CCR1: variants seen among roughly 807,000 people sequenced by gnomAD.
The protein encoded by CCR1 is C-C motif chemokine receptor 1, also known as C-C chemokine receptor type 1.
A neutral mutation model predicts 0.3 loss-of-function variants in CCR1; 1 was observed. The observed-to-expected ratio is 3.70, with a 90% CI of 1.31 to 17.54. CCR1 has a LOEUF of 17.54. CCR1 is among the 30% of genes most tolerant of loss of function. The pLI, the probability that CCR1 is intolerant of heterozygous loss-of-function variation, is 0.11. For missense variants in CCR1, 349 were observed against 435.4 expected (o/e 0.80, Z 1.77); for synonymous variants, 207 against 182.5 (o/e 1.13, Z -1.08).
chr3:46,204,333 T>TAAAAAAAAAA lies in CCR1; in HGVS notation c.-11-19_-11-10dup. 1 of 1,290,798 alleles carries TAAAAAAAAAA rather than the reference T, an allele frequency of 7.7e-7. No individual in the cohort carries two copies. Among genetic ancestry groups the TAAAAAAAAAA allele is most frequent in the Non-Finnish European group, 1.0e-6 (1 of 955,610 alleles). 80.0% of individuals were successfully genotyped at this position (1,290,798 alleles called of 1,614,324 possible). A position where few individuals can be genotyped will look rare whatever the true frequency, so the allele number is the denominator to read the frequency against. On this transcript the variant is annotated splice_polypyrimidine_tract_variant and intron_variant, in intron 1 of 1. Transcript: ENST00000296140. ...TTCCATCCCGGCTTCTCCTACAGGT[T>TAAAAAAAAAA]AAAAAAAAAAAAAAGATTTGTCTTT...
At position 46,204,208 on chromosome 3, in the gene CCR1, G is replaced by C; in HGVS notation, c.106C>G (p.Leu36Val). 1 of 1,613,840 alleles carries C rather than the reference G, an allele frequency of 6.2e-7. No homozygotes were observed. Among genetic ancestry groups the C allele is most frequent in the Non-Finnish European group, 8.5e-7 (1 of 1,179,828 alleles). Residue 36 changes from leucine (L) to valine (V), a missense_variant, in exon 2 of 2, where the codon CTG becomes GTG. Coordinates refer to ENST00000296140, the MANE Select transcript of CCR1 (RefSeq NM_001295.3). Reference protein sequence around the residue: ...KVNERAFGAQLLPPLYSLVFV... With the variant: ...KVNERAFGAQVLPPLYSLVFV... ...ACCAAGGAGTACAGAGGGGGCAGCA[G>C]TTGGGCCCCAAAGGCCCTCTCGTTC...
In CCR1 at chr3:46,204,429, C is replaced by T. The variant is rs1699629629; in HGVS notation, c.-11-105G>A. ...AGAGGTAACATTTTTTCAGCCACTCCATAAATGTTTATTGAGTGCCTTCTG... is the reference window on the plus strand; with the variant it reads ...AGAGGTAACATTTTTTCAGCCACTCTATAAATGTTTATTGAGTGCCTTCTG... On this transcript the variant is annotated intron_variant, in intron 1 of 1. Coordinates refer to ENST00000296140, the MANE Select transcript of CCR1 (RefSeq NM_001295.3). 3 of 714,260 alleles carry T rather than the reference C, an allele frequency of 4.2e-6. No individual in the cohort carries two copies. In the East Asian group the frequency reaches 8.2e-5, roughly 19 times the overall value. The allele number at this position is 714,260 out of a possible 1,614,324, so 44.2% of individuals were successfully genotyped here.
chr3:46,206,100 A>G (rs1311107805), intron 1 of CCR1, among the ~76,000 whole-genome samples: 4 of 152,226 alleles, frequency 2.6e-5, no homozygotes, highest in Admixed American at 6.5e-5. Flanking sequence ...AATGCCAATC[A>G]GTAAAGTAGG....
intron 1 of CCR1, among the ~76,000 whole-genome samples, chr3:46,206,335 G>A (rs1699648295): frequency 6.6e-6 from 1 of 152,184 alleles, no homozygotes; most frequent in African/African-American, 2.4e-5. Flanking sequence ...CCATCCCCTG[G>A]CCCACTCCTC....
rs200850231 is a variant in CCR1 at position 46,203,963 on chromosome 3, C to T, written c.351G>A (p.Leu117=). Residue 117 remains leucine, a synonymous_variant, in exon 2 of 2, where the codon TTG becomes TTA. Coordinates refer to ENST00000296140, the MANE Select transcript of CCR1 (RefSeq NM_001295.3). This position sits in a 1 kb window ranked among gnomAD's most constrained non-coding sequence, Gnocchi z 4.5. The stretch of plus-strand genomic sequence containing the variant: ...GGATGATGAAAAAGATCTCGCTGTA[C>T]AAGCCTGTGTAATAAAACCCAGAGA... ...KILSGFYYTG[L]YSEIFFIILL... is the part of the protein sequence containing the mutation. The T allele has an allele frequency of 9.9e-6, 16 of 1,614,026 alleles. No individual in the cohort carries two copies. The highest frequency in any genetic ancestry group is 3.3e-4 in the Middle Eastern group (2 of 6,058).
In CCR1 at chr3:46,203,287, A is replaced by T; in HGVS notation, c.1027T>A (p.Ser343Thr). ...VDRLERVSSTSPSTGEHELSA... is the reference protein window; with the variant it reads ...VDRLERVSSTTPSTGEHELSA... ...AGTTCATGCTCCCCTGTGGAGGGAG[A>T]TGTGGAGCTGACCCTCTCCAGCCTG... is the stretch of plus-strand genomic sequence containing the variant. Residue 343 changes from serine to threonine, a missense_variant, in exon 2 of 2, where the codon TCT (serine) becomes ACT (threonine). Coordinates refer to ENST00000296140, the MANE Select transcript of CCR1 (RefSeq NM_001295.3). The surrounding 1 kb of genome is among the most constrained non-coding windows in gnomAD (Gnocchi z 4.5). 1.2e-6 allele frequency: 2 copies of T among 1,614,072 alleles called. No individual in the cohort carries two copies. Among genetic ancestry groups the T allele is most frequent in the Non-Finnish European group, 8.5e-7 (1 of 1,179,990 alleles).
Position 46,203,771 on chromosome 3 carries a change from G to GT in CCR1, c.542dup (p.His181GlnfsTer52). The GT allele has an allele frequency of 1.2e-6, 2 of 1,614,194 alleles. No individual in the cohort carries two copies. Among genetic ancestry groups the GT allele is most frequent in the Non-Finnish European group, 1.7e-6 (2 of 1,180,012 alleles). ...CGTGAGGAAAGTGAAGGCTGCAGGT[G>GT]TGGTGAGTGAATTCCCATTGGGTCT... is the stretch of plus-strand genomic sequence containing the variant. On this transcript the variant is annotated frameshift_variant, in exon 2 of 2. Transcript: ENST00000296140. LOFTEE classifies it low-confidence loss of function (END_TRUNC). This position sits in a 1 kb window ranked among gnomAD's most constrained non-coding sequence, Gnocchi z 4.5.
rs199691125 is a variant in CCR1, at chr3:46,203,798, G to T, written c.516C>A (p.Ser172=). The change falls in exon 2 of 2, where the codon TCC becomes TCA. Residue 172 remains serine, a synonymous_variant. Transcript: ENST00000296140. This position sits in a 1 kb window ranked among gnomAD's most constrained non-coding sequence, Gnocchi z 4.5. ...GGTGAGTGAATTCCCATTGGGTCTT[G>T]GAAAAGTATAAGCCTGGCATGGAAG... ...ILASMPGLYF[S]KTQWEFTHHT... 5 of 1,614,070 alleles carry T rather than the reference G, an allele frequency of 3.1e-6. No individual in the cohort carries two copies. In the Admixed American group the frequency reaches 8.3e-5, roughly 27 times the overall value.
chr3:46,207,207 A>G (rs1222025614), intron 1 of CCR1, among the ~76,000 whole-genome samples: 1 of 152,132 alleles, frequency 6.6e-6, no homozygotes, highest in Non-Finnish European at 1.5e-5. Context: ...GCACTGTCCC[A>G]CTGCTCGGTG....
Position 46,203,479 on chromosome 3 carries a change from A to AAT in CCR1, c.833_834dup (p.Leu279IlefsTer8), listed in dbSNP as rs1358516439. ...TCCGTCACTTGCACAGCCAGGTCCAAATGTCTGCTCTGCTCACACTCATGG... is the reference window on the plus strand; with the variant it reads ...TCCGTCACTTGCACAGCCAGGTCCAAATATGTCTGCTCTGCTCACACTCATGG... On this transcript the variant is annotated frameshift_variant, in exon 2 of 2. Coordinates refer to ENST00000296140, the MANE Select transcript of CCR1 (RefSeq NM_001295.3). LOFTEE classifies it low-confidence loss of function (END_TRUNC). The surrounding 1 kb of genome is among the most constrained non-coding windows in gnomAD (Gnocchi z 4.5). The AAT allele has an allele frequency of 6.2e-7, 1 of 1,614,172 alleles. No homozygotes were observed. The highest frequency in any genetic ancestry group is 2.2e-5 in the East Asian group (1 of 44,880).
At position 46,203,762 on chromosome 3, in the gene CCR1, G is replaced by C. The variant is rs1466295293; in HGVS notation, c.552C>G (p.Ser184Arg). Reference protein sequence around the residue: ...TQWEFTHHTCSLHFPHESLRE... With the variant: ...TQWEFTHHTCRLHFPHESLRE... The stretch of plus-strand genomic sequence containing the variant: ...GTAGGCTTTCGTGAGGAAAGTGAAG[G>C]CTGCAGGTGTGGTGAGTGAATTCCC... The change falls in exon 2 of 2, where the codon AGC (serine) becomes AGG (arginine). Residue 184 changes from serine to arginine, a missense_variant. Physicochemically the swap from Ser to Arg is moderately radical, Grantham distance 110. Coordinates refer to ENST00000296140, the MANE Select transcript of CCR1 (RefSeq NM_001295.3). This position sits in a 1 kb window ranked among gnomAD's most constrained non-coding sequence, Gnocchi z 4.5. 2 of 1,614,180 alleles carry C rather than the reference G, an allele frequency of 1.2e-6. No homozygotes were observed. Among genetic ancestry groups the C allele is most frequent in the Non-Finnish European group, 1.7e-6 (2 of 1,180,010 alleles).
rs1348077812 is a variant in CCR1 at position 46,202,271 on chromosome 3, C to T, written c.*975G>A. On this transcript the variant is annotated 3_prime_UTR_variant, in exon 2 of 2. Transcript: ENST00000296140. ...TCCAAGATGGCAGTCGGAACTCTGA[C>T]CCATAAAACCAGAAGGCTTAGATGA... 6.6e-6 allele frequency: 1 copy of T among 151,682 alleles called. No homozygotes were observed. The highest frequency in any genetic ancestry group is 1.5e-5 in the Non-Finnish European group (1 of 67,966). 9.4% of individuals were successfully genotyped at this position (151,682 alleles called of 1,614,324 possible). A position where few individuals can be genotyped will look rare whatever the true frequency, so the allele number is the denominator to read the frequency against.
At position 46,203,019 on chromosome 3, in the gene CCR1, T is replaced by C. The variant is rs968252814; in HGVS notation, c.*227A>G. The C allele has an allele frequency of 1.8e-5, 9 of 509,888 alleles. No homozygotes were observed. In the Admixed American group the frequency reaches 2.4e-4, roughly 14 times the overall value. The allele number at this position is 509,888 out of a possible 1,614,324, so 31.6% of individuals were successfully genotyped here. A position where few individuals can be genotyped will look rare whatever the true frequency, so the allele number is the denominator to read the frequency against. On this transcript the variant is annotated 3_prime_UTR_variant, in exon 2 of 2. Coordinates refer to ENST00000296140, the MANE Select transcript of CCR1 (RefSeq NM_001295.3). This position sits in a 1 kb window ranked among gnomAD's most constrained non-coding sequence, Gnocchi z 4.5. Reference sequence around the variant, plus strand: ...TAGTCCCAGTCTCTGGAATATTTGGTTTTGCTCATTCATCTTCTTTCTACC... The same window carrying C: ...TAGTCCCAGTCTCTGGAATATTTGGCTTTGCTCATTCATCTTCTTTCTACC...
intron 1 of CCR1, among the ~76,000 whole-genome samples, chr3:46,205,966 A>G (rs567418068): frequency 6.6e-6 from 1 of 152,074 alleles, no homozygotes. Flanking sequence ...CCCCTGCCAA[A>G]TTTCTTTGTA....
chr3:46,202,169 C>T lies in CCR1; in HGVS notation c.*1077G>A, dbSNP rs200417919. 186 of 152,150 alleles carry T rather than the reference C, an allele frequency of 1.2e-3. No homozygotes were observed. Among genetic ancestry groups the T allele is most frequent in the African/African-American group, 4.3e-3 (180 of 41,506 alleles). The allele number at this position is 152,150 out of a possible 1,614,324, so 9.4% of individuals were successfully genotyped here. A position where few individuals can be genotyped will look rare whatever the true frequency, so the allele number is the denominator to read the frequency against. On this transcript the variant is annotated 3_prime_UTR_variant, in exon 2 of 2. Transcript: ENST00000296140. ...TCCTAGTAGACACTTTCCTCCCAACCCCCTATCAGCTACAAATACTGTCAG... is the reference window on the plus strand; with the variant it reads ...TCCTAGTAGACACTTTCCTCCCAACTCCCTATCAGCTACAAATACTGTCAG...
intron 1 of CCR1, among the ~76,000 whole-genome samples, chr3:46,205,446 T>C (rs1277355830): frequency 6.6e-6 from 1 of 152,076 alleles, no homozygotes; most frequent in Non-Finnish European, 1.5e-5. Flanking sequence ...TGAGATAAGC[T>C]CTTAGATATT....
intron 1 of CCR1, among the ~76,000 whole-genome samples, chr3:46,204,733 G>T (rs1699632174): frequency 6.6e-6 from 1 of 152,154 alleles, no homozygotes; most frequent in Non-Finnish European, 1.5e-5. Flanking sequence ...TCCCATTGTT[G>T]TTCTTATTTA....
intron 1 of CCR1, 53 bp from the exon 2 acceptor site, chr3:46,204,377 G>T: frequency 8.6e-7 from 1 of 1,156,316 alleles, no homozygotes. Context: ...ACTAAAGGCA[G>T]TGGGCACTGG....
Position 46,204,020 on chromosome 3 carries a change from G to C in CCR1, c.294C>G (p.Asp98Glu), listed in dbSNP as rs912997874. The change falls in exon 2 of 2, where the codon GAC (aspartate) becomes GAG (glutamate). Residue 98 changes from aspartate to glutamate, a missense_variant. By Grantham distance (45) the Asp-to-Glu change is conservative (BLOSUM62 2). Coordinates refer to ENST00000296140, the MANE Select transcript of CCR1 (RefSeq NM_001295.3). ...TACACATGGCATCACCAAAAACCCA[G>C]TCATCCTTCAACTTGTAGTCGATCC... ...PFWIDYKLKD[D>E]WVFGDAMCKI... is the part of the protein sequence containing the mutation. The C allele has an allele frequency of 6.2e-7, 1 of 1,614,088 alleles. No homozygotes were observed. The highest frequency in any genetic ancestry group is 8.5e-7 in the Non-Finnish European group (1 of 1,180,036).
Sources: gnomAD v4.1 joint callset for allele counts (sites outside exome capture counted in the v4.1 genomes callset) on GRCh38, gnomAD v4.1.1 for gene constraint, Gnocchi (gnomAD v3.1) non-coding constraint, MANE v1.5 for transcripts, NCBI Gene and HGNC (gene_info 2026-07-23, HGNC 2026-07-21) for gene names.